Variants in AACS observed in about 807,000 individuals in gnomAD.
AACS encodes acetoacetate-CoA ligase.
A neutral mutation model predicts 83.1 loss-of-function variants in AACS; 69 were observed. The ratio of observed to expected loss-of-function variants is 0.83; its 90% CI spans 0.68 to 1.01. The LOEUF is 1.01. Among genes scored for constraint, AACS ranks in the 50% least tolerant of loss-of-function variants. The probability of loss-of-function intolerance (pLI) is 0.00; values close to 1 mark genes in which losing one functional copy is unlikely to be tolerated. For synonymous variants in AACS, 333 were observed against 343.4 expected, an observed-to-expected ratio of 0.97 and a Z score of 0.33; for missense variants, 866 against 882.2, an observed-to-expected ratio of 0.98 and a Z score of 0.23.
At chr12:125,066,280 T>C (rs1447886187) in intron 1 of AACS, among the ~76,000 whole-genome samples, 3 of 151,534 alleles carry the variant, frequency 2.0e-5, no homozygotes, top group African/African-American at 7.3e-5. Flanking sequence ...TAAAAGACTC[T>C]CTTTCCACCC....
At chr12:125,093,589 C>G (rs1232749936) in intron 5 of AACS, among the ~76,000 whole-genome samples, 1 of 152,224 alleles carries the variant, frequency 6.6e-6, no homozygotes, top group Non-Finnish European at 1.5e-5. Context: ...CCCCGAGCCA[C>G]CTCTGGAGTG....
chr12:125,108,094 C>T (rs1049364824), intron 8 of AACS, among the ~76,000 whole-genome samples: 4 of 152,052 alleles, frequency 2.6e-5, no homozygotes, highest in South Asian at 2.1e-4. Context: ...TATGTCTGAC[C>T]GTGGGTTGTG....
In AACS at chr12:125,142,403, C is replaced by T. The variant is rs550006519; in HGVS notation, c.*174C>T. On this transcript the variant is annotated 3_prime_UTR_variant, in exon 18 of 18. Coordinates refer to ENST00000316519, the MANE Select transcript of AACS (RefSeq NM_023928.5). ...TGTTAAATCTGGTGGGTACCTGGAT[C>T]TTCCACACGAGTGGGATTCTGGCCT... 3 of 893,328 alleles carry T rather than the reference C, an allele frequency of 3.4e-6. No homozygotes were observed. Among genetic ancestry groups the T allele is most frequent in the African/African-American group, 1.7e-5 (1 of 59,190 alleles). The allele number at this position is 893,328 out of a possible 1,614,324, so 55.3% of individuals were successfully genotyped here.
intron 8 of AACS, 111 bp from the exon 9 acceptor site, chr12:125,114,366 T>A: frequency 1.3e-6 from 1 of 780,278 alleles, no homozygotes; most frequent in Non-Finnish European, 2.0e-6. Context: ...AAAATGGGGA[T>A]CTGCTGGGGC....
At chr12:125,086,264 G>T in intron 3 of AACS, 66 bp from the exon 4 acceptor site, 1 of 1,394,064 alleles carries the variant, frequency 7.2e-7, no homozygotes, top group Non-Finnish European at 1.0e-6. Flanking sequence ...TTTTCATTCA[G>T]TGTCTGGCTT....
chr12:125,114,671 A>G, intron 9 of AACS, 114 bp downstream of exon 9: 1 of 733,028 alleles, frequency 1.4e-6, no homozygotes, highest in Non-Finnish European at 2.0e-6. Flanking sequence ...GGCACATGGT[A>G]AGGGCTTCCC....
At chr12:125,139,878 T>A (rs902191034) in intron 17 of AACS, 1 of 152,180 alleles carries the variant, frequency 6.6e-6, no homozygotes, top group Non-Finnish European at 1.5e-5. Context: ...AGCAGATGCT[T>A]TTGGTGTCTG....
chr12:125,085,448 G>A (rs559013680), intron 3 of AACS, among the ~76,000 whole-genome samples: 14 of 150,006 alleles, frequency 9.3e-5, no homozygotes, highest in Non-Finnish European at 1.8e-4. Flanking sequence ...AACCACGCAC[G>A]TGCACGTTGC....
chr12:125,106,823 G>C (rs149116108), intron 7 of AACS, among the ~76,000 whole-genome samples: 6 of 152,286 alleles, frequency 3.9e-5, no homozygotes, highest in Admixed American at 1.3e-4. Flanking sequence ...CCTTCTCCGT[G>C]GTGGTTATGA....
chr12:125,090,016 CATCT>C (rs1280593410), intron 4 of AACS, among the ~76,000 whole-genome samples: 48 of 144,416 alleles, frequency 3.3e-4, no homozygotes, highest in Middle Eastern at 4.4e-3. Context: ...TCCATCCATC[CATCT>C]GTCTATACAT....
Position 125,090,208 on chromosome 12 carries a change from T to TCTTCTCTCCACCTACCCATCC in AACS, c.473-1218_473-1217insCTTCTCTCCACCTACCCATCC, listed in dbSNP as rs1565932091. Among the ~76,000 whole-genome samples, 6 of 26,838 alleles carry TCTTCTCTCCACCTACCCATCC rather than the reference T, an allele frequency of 2.2e-4. 3 individuals are homozygous for TCTTCTCTCCACCTACCCATCC. Among genetic ancestry groups the TCTTCTCTCCACCTACCCATCC allele is most frequent in the Admixed American group, 9.5e-4 (2 of 2,108 alleles). 17.6% of individuals were successfully genotyped at this position (26,838 alleles called of 152,430 possible). A position where few individuals can be genotyped will look rare whatever the true frequency, so the allele number is the denominator to read the frequency against. On this transcript the variant is annotated intron_variant, in intron 4 of 17. Transcript: ENST00000316519. The stretch of plus-strand genomic sequence containing the variant: ...TCTCTCCATCTACCCATTTACCCAT[T>TCTTCTCTCCACCTACCCATCC]ATCCATCTATCCATCCATTTATTAT...
chr12:125,136,393 A>G (rs943036110), intron 16 of AACS, among the ~76,000 whole-genome samples: 1 of 152,004 alleles, frequency 6.6e-6, no homozygotes, highest in East Asian at 1.9e-4. Flanking sequence ...TAAGGCCCAC[A>G]CCTGGCTTCC....
chr12:125,134,901 G>C, intron 16 of AACS, 49 bp downstream of exon 16: 1 of 1,607,244 alleles, frequency 6.2e-7, no homozygotes, highest in Non-Finnish European at 8.5e-7. Flanking sequence ...GGAAGGAGGA[G>C]GGTCCTGGCG....
chr12:125,069,390 C>T (rs1046924426), intron 1 of AACS, among the ~76,000 whole-genome samples: 1 of 152,218 alleles, frequency 6.6e-6, no homozygotes, highest in Non-Finnish European at 1.5e-5. Flanking sequence ...GTTGGCAGGA[C>T]GTTTCTATCC....
intron 5 of AACS, among the ~76,000 whole-genome samples, chr12:125,095,584 T>G (rs1260948403): frequency 6.6e-6 from 1 of 152,144 alleles, no homozygotes; most frequent in East Asian, 1.9e-4. Flanking sequence ...TGGGCCCCAC[T>G]CCACCTGCCC....
chr12:125,088,809 G>A (rs983773161), intron 4 of AACS, among the ~76,000 whole-genome samples: 2 of 152,218 alleles, frequency 1.3e-5, no homozygotes, highest in Non-Finnish European at 2.9e-5. Flanking sequence ...CTTCAGAGGT[G>A]AGCTGGTTCC....
chr12:125,096,167 T>C (rs1024277378), intron 5 of AACS, among the ~76,000 whole-genome samples: 3 of 152,154 alleles, frequency 2.0e-5, no homozygotes, highest in East Asian at 1.9e-4. Context: ...GGTTTCACCA[T>C]GTTAGCCAGG....
chr12:125,110,028 T>G (rs1956918312), intron 8 of AACS, among the ~76,000 whole-genome samples: 1 of 151,680 alleles, frequency 6.6e-6, no homozygotes, highest in Admixed American at 6.6e-5. Flanking sequence ...GCTTTGCTTT[T>G]TTTTTTTTGA....
At chr12:125,134,996 T>C (rs1419129709) in intron 16 of AACS, 144 bp downstream of exon 16, 13 of 932,478 alleles carry the variant, frequency 1.4e-5, no homozygotes, top group Middle Eastern at 3.0e-4. Context: ...CTGACCTCCT[T>C]TCCAGAACAT....
Sources: allele counts gnomAD v4.1 joint callset (sites outside exome capture counted in the v4.1 genomes callset), GRCh38; gene constraint gnomAD v4.1.1; transcripts MANE v1.5; gene names NCBI Gene and HGNC (gene_info 2026-07-23, HGNC 2026-07-21).